Variants in ANTXR1 observed in about 807,000 individuals in gnomAD.
ANTXR1 encodes the protein ANTXR cell adhesion molecule 1.
Under a neutral mutation model 78.1 loss-of-function variants are expected in ANTXR1, and 19 were observed. The ratio of observed to expected loss-of-function variants is 0.24; its 90% CI spans 0.17 to 0.36. The LOEUF (loss-of-function observed/expected upper bound fraction) is 0.36, where lower values mean the gene tolerates loss of function less well. Among genes scored for constraint, ANTXR1 ranks in the 10% least tolerant of loss-of-function variants. ANTXR1 has a pLI of 1.00. For synonymous variants in ANTXR1, 273 were observed against 260.5 expected (o/e 1.05, Z -0.46); for missense variants, 518 against 718.6 (o/e 0.72, Z 3.19).
chr2:69,109,571 T>C (rs1671916042), intron 10 of ANTXR1, among the ~76,000 whole-genome samples: 1 of 152,198 alleles, frequency 6.6e-6, no homozygotes, highest in Admixed American at 6.5e-5. Context: ...TAGTATAAAA[T>C]AAGGCAGCCT....
chr2:69,123,237 C>T (rs934092995), intron 11 of ANTXR1, 151 bp downstream of exon 11: 42 of 808,822 alleles, frequency 5.2e-5, no homozygotes, highest in Middle Eastern at 2.4e-4. Flanking sequence ...GTGACCCAGA[C>T]GCCAGGATAA....
chr2:69,237,969 G>A (rs953750572), intron 17 of ANTXR1, among the ~76,000 whole-genome samples: 10 of 152,218 alleles, frequency 6.6e-5, no homozygotes, highest in Admixed American at 5.9e-4. Context: ...CCAAGTGTTA[G>A]AAGATGAGCA....
At chr2:69,063,294 A>G (rs1297158631) in intron 3 of ANTXR1, among the ~76,000 whole-genome samples, 1 of 152,176 alleles carries the variant, frequency 6.6e-6, no homozygotes, top group Admixed American at 6.5e-5. Flanking sequence ...CAGGAAAGAT[A>G]TATTAAAGAG....
At chr2:69,043,482 T>C (rs1388453378) in intron 2 of ANTXR1, among the ~76,000 whole-genome samples, 1 of 152,180 alleles carries the variant, frequency 6.6e-6, no homozygotes, top group African/African-American at 2.4e-5. Flanking sequence ...GCTGCCCCAG[T>C]GCTGGGGAAG....
chr2:69,118,851 G>C (rs1032675359), intron 10 of ANTXR1, among the ~76,000 whole-genome samples: 4 of 152,148 alleles, frequency 2.6e-5, no homozygotes, highest in African/African-American at 9.7e-5. Context: ...TTTAGAGAGA[G>C]AGAGAAAAAA....
intron 10 of ANTXR1, among the ~76,000 whole-genome samples, chr2:69,112,215 C>A (rs1386280671): frequency 6.6e-6 from 1 of 152,176 alleles, no homozygotes; most frequent in African/African-American, 2.4e-5. Flanking sequence ...CTGGGCCAAG[C>A]ACCCTCCTGT....
chr2:69,056,269 C>T (rs141661754), intron 3 of ANTXR1, among the ~76,000 whole-genome samples: 158 of 152,246 alleles, frequency 1.0e-3, no homozygotes, highest in Non-Finnish European at 1.4e-3. Context: ...TGGTCAACAT[C>T]CACATTTCTA....
chr2:69,088,890 A>G (rs1266963769), intron 8 of ANTXR1, among the ~76,000 whole-genome samples: 1 of 152,138 alleles, frequency 6.6e-6, no homozygotes, highest in Non-Finnish European at 1.5e-5. Flanking sequence ...AGGTGCCCAG[A>G]GCAGGTGTGT....
At chr2:69,061,483 A>G (rs1670241916) in intron 3 of ANTXR1, among the ~76,000 whole-genome samples, 1 of 150,084 alleles carries the variant, frequency 6.7e-6, no homozygotes, top group African/African-American at 2.5e-5. Context: ...GAGAGTCTTC[A>G]ACAACAACAA....
chr2:69,117,247 A>T (rs1350293217), intron 10 of ANTXR1, among the ~76,000 whole-genome samples: 1 of 152,230 alleles, frequency 6.6e-6, no homozygotes, highest in Non-Finnish European at 1.5e-5. Context: ...CTACATTATA[A>T]GACTAGCTGG....
chr2:69,103,080 C>T (rs760639435), intron 10 of ANTXR1, 140 bp downstream of exon 10: 26 of 892,666 alleles, frequency 2.9e-5, no homozygotes, highest in Non-Finnish European at 4.8e-5. Flanking sequence ...CCAGCAAGGG[C>T]ATAGTGAGCC....
chr2:69,112,839 T>C (rs1246222260), intron 10 of ANTXR1, among the ~76,000 whole-genome samples: 1 of 152,228 alleles, frequency 6.6e-6, no homozygotes, highest in Non-Finnish European at 1.5e-5. Context: ...ACTGTGTTAG[T>C]GGATGTTCCC....
chr2:69,099,101 G>A (rs1482798415), intron 9 of ANTXR1, among the ~76,000 whole-genome samples: 4 of 152,108 alleles, frequency 2.6e-5, no homozygotes, highest in African/African-American at 9.7e-5. Flanking sequence ...TACCCATTAA[G>A]CAGTTATTCC....
chr2:69,170,168 C>T (rs1222588605), intron 13 of ANTXR1, 80 bp from the exon 14 acceptor site: 40 of 1,512,096 alleles, frequency 2.6e-5, no homozygotes, highest in East Asian at 1.8e-4. Flanking sequence ...AGCACCACCA[C>T]GGTACCTCCT....
chr2:69,202,630 G>A (rs1674802358), intron 17 of ANTXR1, among the ~76,000 whole-genome samples: 1 of 152,190 alleles, frequency 6.6e-6, no homozygotes, highest in Admixed American at 6.5e-5. Flanking sequence ...AGGAGGAAGT[G>A]CCAGTCCTCC....
At chr2:69,126,846 G>A (rs930140088) in intron 12 of ANTXR1, among the ~76,000 whole-genome samples, 39 of 152,182 alleles carry the variant, frequency 2.6e-4, no homozygotes, top group Non-Finnish European at 1.0e-4. Flanking sequence ...CCTCATCTGA[G>A]CACATGCCAC....
At chr2:69,045,228 T>A (rs1669728408) in intron 3 of ANTXR1, among the ~76,000 whole-genome samples, 1 of 152,110 alleles carries the variant, frequency 6.6e-6, no homozygotes, top group Admixed American at 6.6e-5. Flanking sequence ...TTACTGTTCA[T>A]AATTACCCAG....
intron 11 of ANTXR1, among the ~76,000 whole-genome samples, chr2:69,124,110 T>C (rs965256133): frequency 1.3e-5 from 2 of 152,210 alleles, no homozygotes; most frequent in Non-Finnish European, 2.9e-5. Context: ...TCTGTGAGTC[T>C]GTTGAATGGT....
chr2:69,095,306 C>T (rs926390156), intron 9 of ANTXR1, among the ~76,000 whole-genome samples: 1 of 151,830 alleles, frequency 6.6e-6, no homozygotes, highest in African/African-American at 2.4e-5. Context: ...GAAAATGTAT[C>T]AACACAAAAA....
Sources: gnomAD v4.1 joint callset for allele counts (sites outside exome capture counted in the v4.1 genomes callset) on GRCh38, gnomAD v4.1.1 for gene constraint, MANE v1.5 for transcripts, NCBI Gene and HGNC (gene_info 2026-07-23, HGNC 2026-07-21) for gene names.